The following TNXB variants were observed in gnomAD, a reference collection of about 807,000 sequenced individuals.
TNXB encodes the protein tenascin-X.
In TNXB, 183 loss-of-function variants were observed where a neutral mutation model predicts 340.5. That is an observed-to-expected ratio of 0.54 (90% CI 0.48 to 0.61). The LOEUF (loss-of-function observed/expected upper bound fraction) is 0.61. TNXB is among the 20% of genes least tolerant of loss of function. The probability of loss-of-function intolerance (pLI) is 0.00; values close to 1 mark genes in which losing one functional copy is unlikely to be tolerated. For missense variants in TNXB, 4,613 were observed against 5,446.4 expected (o/e 0.85, Z 4.82); for synonymous variants, 2,121 against 2,314.5 (o/e 0.92, Z 2.40).
intron 1 of TNXB, among the ~76,000 whole-genome samples, chr6:32,100,501 G>A (rs1780661161): frequency 6.6e-6 from 1 of 152,166 alleles, no homozygotes; most frequent in Non-Finnish European, 1.5e-5. Flanking sequence ...GCTTAAGTGT[G>A]AGGATTGCAT....
chr6:32,097,743 G>T lies in TNXB; in HGVS notation c.403+53C>A. 1 of 1,485,376 alleles carries T rather than the reference G, an allele frequency of 6.7e-7. No homozygotes were observed. Among genetic ancestry groups the T allele is most frequent in the South Asian group, 1.5e-5 (1 of 68,618 alleles). 92.0% of individuals were successfully genotyped at this position (1,485,376 alleles called of 1,614,324 possible). A position where few individuals can be genotyped will look rare whatever the true frequency, so the allele number is the denominator to read the frequency against. On this transcript the variant is annotated intron_variant, in intron 2 of 43. Coordinates refer to ENST00000644971, the MANE Select transcript of TNXB (RefSeq NM_001365276.2). This position sits in a 1 kb window ranked among gnomAD's most constrained non-coding sequence, Gnocchi z 5.9. ...TCATACCAAGGACCTTTATGGACTA[G>T]CAATGCCCACCCCACCCCACCTCTC...
intron 24 of TNXB, 68 bp downstream of exon 24, chr6:32,055,783 T>C: frequency 1.3e-6 from 2 of 1,556,122 alleles, no homozygotes; most frequent in Non-Finnish European, 1.7e-6. Context: ...GAGAATATTT[T>C]TGTTTTCATG....
At position 32,061,884 on chromosome 6, in the gene TNXB, C is replaced by T. The variant is rs948667124; in HGVS notation, c.7169-164G>A. 3.3e-5 allele frequency among the ~76,000 whole-genome samples: 5 copies of T among 152,168 alleles called. No homozygotes were observed. Among genetic ancestry groups the T allele is most frequent in the Non-Finnish European group, 7.4e-5 (5 of 68,020 alleles). On this transcript the variant is annotated intron_variant, in intron 20 of 43. Coordinates refer to ENST00000644971, the MANE Select transcript of TNXB (RefSeq NM_001365276.2). This position sits in a 1 kb window ranked among gnomAD's most constrained non-coding sequence, Gnocchi z 4.4. ...AGAGAGGCCCATTCTTGGGGTCCTG[C>T]TCAGCTGACAGCTAACACACATGAC...
At position 32,089,373 on chromosome 6, in the gene TNXB, CCT is replaced by C. The variant is rs1363621836; in HGVS notation, c.2363_2364del (p.Glu788GlyfsTer18). ...AYEIQFIPTTEGASPPFTARV... is the reference protein window; with the variant it reads ...AYEIQFIPTTXGASPPFTARV... Reference sequence around the variant, plus strand: ...CGTGCTGTGAATGGGGGGCTCGCCCCCTCTGTCTGTGAGAGAGAGCACCAGGT... The same window carrying C: ...CGTGCTGTGAATGGGGGGCTCGCCCCCTGTCTGTGAGAGAGAGCACCAGGT... On this transcript the variant is annotated frameshift_variant, in exon 5 of 44. Coordinates refer to ENST00000644971, the MANE Select transcript of TNXB (RefSeq NM_001365276.2). LOFTEE classifies it high-confidence loss of function. The surrounding 1 kb of genome is among the most constrained non-coding windows in gnomAD (Gnocchi z 6.2). 5.0e-6 allele frequency: 8 copies of C among 1,605,580 alleles called. No homozygotes were observed. The highest frequency in any genetic ancestry group is 6.8e-6 in the Non-Finnish European group (8 of 1,177,328).
In TNXB at chr6:32,096,492, G is replaced by C. The variant is rs746178595; in HGVS notation, c.1361C>G (p.Ala454Gly). 6.2e-7 allele frequency: 1 copy of C among 1,600,800 alleles called. No homozygotes were observed. The highest frequency in any genetic ancestry group is 8.5e-7 in the Non-Finnish European group (1 of 1,179,256). Residue 454 changes from alanine to glycine, a missense_variant, in exon 3 of 44, where the codon GCG becomes GGG. Physicochemically the swap from Ala to Gly is moderately conservative, Grantham distance 60 (BLOSUM62 0). Coordinates refer to ENST00000644971, the MANE Select transcript of TNXB (RefSeq NM_001365276.2). ...RCENGVCVCN[A>G]GYSGEDCGVR... ...ACCGCAGTCCTCGCCGCTGTAGCCC[G>C]CATTGCAAACACACACGCCGTTCTC...
intron 18 of TNXB, 37 bp from the exon 19 acceptor site, chr6:32,065,154 G>A (rs1437659582): frequency 3.3e-6 from 5 of 1,497,294 alleles, no homozygotes; most frequent in Admixed American, 2.1e-5. Context: ...TTCTCTTGCT[G>A]CAAGGAGGTG....
In TNXB at chr6:32,084,707, T is replaced by C. The variant is rs561588290; in HGVS notation, c.3151A>G (p.Lys1051Glu). 3 of 1,559,428 alleles carry C rather than the reference T, an allele frequency of 1.9e-6. No homozygotes were observed. The highest frequency in any genetic ancestry group is 2.7e-5 in the African/African-American group (2 of 73,750). ...DPIIYQGIMD[K>E]DEEKPGKSSG... is the part of the protein sequence containing the mutation. The stretch of plus-strand genomic sequence containing the variant: ...GACTTCCCAGGCTTCTCCTCATCCT[T>C]GTCTGGAGTTTGAGAGGCAAAAGCA... Residue 1051 changes from lysine (K) to glutamate (E), a missense_variant and splice_region_variant, in exon 8 of 44, where the codon AAG (lysine) becomes GAG (glutamate). Transcript: ENST00000644971. This position sits in a 1 kb window ranked among gnomAD's most constrained non-coding sequence, Gnocchi z 5.5.
rs1779298897 is a variant in TNXB at position 32,079,264 on chromosome 6, C to T, written c.4144G>A (p.Gly1382Arg). ...AGGCTCAGCGAATCAGGGGAGGATC[C>T]TGTCACTGTCAGCTCCCCCAGGAGC... is the stretch of plus-strand genomic sequence containing the variant. ...EPLLGELTVT[G>R]SSPDSLSLFW... The change falls in exon 11 of 44, where the codon GGA (glycine) becomes AGA (arginine). Residue 1382 changes from glycine (G) to arginine (R), a missense_variant. Gly to Arg is a moderately radical substitution (Grantham distance 125, BLOSUM62 -2). Transcript: ENST00000644971. The surrounding 1 kb of genome is among the most constrained non-coding windows in gnomAD (Gnocchi z 7.1). 1 of 1,613,454 alleles carries T rather than the reference C, an allele frequency of 6.2e-7. No homozygotes were observed. The highest frequency in any genetic ancestry group is 8.5e-7 in the Non-Finnish European group (1 of 1,179,856).
chr6:32,102,857 T>C (rs1231081485), intron 1 of TNXB, among the ~76,000 whole-genome samples: 1 of 151,994 alleles, frequency 6.6e-6, no homozygotes, highest in African/African-American at 2.4e-5. Flanking sequence ...GAGGCGGAGG[T>C]TGCAGTGAAC....
chr6:32,049,319 G>T lies in TNXB; in HGVS notation c.9708C>A (p.Gly3236=), dbSNP rs1264235389. Residue 3236 remains glycine (G), a synonymous_variant, in exon 28 of 44, where the codon GGC becomes GGA. Transcript: ENST00000644971. This position sits in a 1 kb window ranked among gnomAD's most constrained non-coding sequence, Gnocchi z 4.5. ...GGCCCACGCGCTGCCCCTCGTGGAG[G>T]CCGTACAGATGCATCTTGTATTTGC... ...PGRKYKMHLY[G]LHEGQRVGPV... 3 of 1,612,472 alleles carry T rather than the reference G, an allele frequency of 1.9e-6. No individual in the cohort carries two copies. The Admixed American group carries it at 5.0e-5, about 27-fold the overall frequency.
intron 19 of TNXB, among the ~76,000 whole-genome samples, chr6:32,063,378 A>T (rs1267644696): frequency 2.6e-5 from 4 of 151,908 alleles, no homozygotes; most frequent in Non-Finnish European, 5.9e-5. Flanking sequence ...CCTGGGTGAC[A>T]GAGTGAGACT....
In TNXB at chr6:32,065,073, G is replaced by A. The variant is rs1219576160; in HGVS notation, c.6589C>T (p.Leu2197=). ...ATGTCTCTCACTGTCATCTGCCCTA[G>A]GCGCAGCTTTGCAAGAGGAGCATCA... ...SPDAPLAKLR[L]GQMTVRDITS... The change falls in exon 19 of 44, where the codon CTA becomes TTA. Residue 2197 remains leucine (L), a synonymous_variant. Coordinates refer to ENST00000644971, the MANE Select transcript of TNXB (RefSeq NM_001365276.2). 6.3e-7 allele frequency: 1 copy of A among 1,597,266 alleles called. No homozygotes were observed. Among genetic ancestry groups the A allele is most frequent in the East Asian group, 2.2e-5 (1 of 44,566 alleles).
rs1477986984 is a variant in TNXB, at chr6:32,073,674, C to T, written c.4654G>A (p.Gly1552Ser). The T allele has an allele frequency of 6.2e-7, 1 of 1,609,316 alleles. No homozygotes were observed. The highest frequency in any genetic ancestry group is 8.5e-7 in the Non-Finnish European group (1 of 1,178,240). ...MYGLHDGQRM[G>S]PLSVVIVTAP... ...GTCACGATGACCACAGACAGGGGGCCCATGCGTTGCCCATCATGTAGTCCA... is the reference window on the plus strand; with the variant it reads ...GTCACGATGACCACAGACAGGGGGCTCATGCGTTGCCCATCATGTAGTCCA... The change falls in exon 12 of 44, where the codon GGC (glycine) becomes AGC (serine). Residue 1552 changes from glycine (G) to serine (S), a missense_variant. By Grantham distance (56) the Gly-to-Ser change is moderately conservative (BLOSUM62 0). This residue lies in a region of TNXB where 4,327 missense variants were observed against 4,859.4 expected (regional missense o/e 0.89). Transcript: ENST00000644971. This position sits in a 1 kb window ranked among gnomAD's most constrained non-coding sequence, Gnocchi z 4.6.
At position 32,081,285 on chromosome 6, in the gene TNXB, A is replaced by C; in HGVS notation, c.4042+83T>G. 1 of 1,365,664 alleles carries C rather than the reference A, an allele frequency of 7.3e-7. No individual in the cohort carries two copies. Among genetic ancestry groups the C allele is most frequent in the Non-Finnish European group, 9.9e-7 (1 of 1,008,094 alleles). The allele number at this position is 1,365,664 out of a possible 1,614,324, so 84.6% of individuals were successfully genotyped here. A position where few individuals can be genotyped will look rare whatever the true frequency, so the allele number is the denominator to read the frequency against. On this transcript the variant is annotated intron_variant, in intron 10 of 43. Transcript: ENST00000644971. This position sits in a 1 kb window ranked among gnomAD's most constrained non-coding sequence, Gnocchi z 5.1. ...AAATGAGCTGAGAAGGCGAAGATGG[A>C]GGGAGGCTGGAAGGAGCCCCAGCCA...
chr6:32,086,266 A>G lies in TNXB; in HGVS notation c.2780-148T>C. 6.1e-6 allele frequency: 6 copies of G among 980,660 alleles called. No individual in the cohort carries two copies. The South Asian group carries it at 1.4e-4, about 23-fold the overall frequency. 60.7% of individuals were successfully genotyped at this position (980,660 alleles called of 1,614,324 possible). A position where few individuals can be genotyped will look rare whatever the true frequency, so the allele number is the denominator to read the frequency against. On this transcript the variant is annotated intron_variant, in intron 6 of 43. Transcript: ENST00000644971. ...CTCACCTGGGCCACTCCCTCCTCCC[A>G]AAGGTCAGCCAATCCTCCAAACACC...
chr6:32,047,877 C>T lies in TNXB; in HGVS notation c.10181G>A (p.Gly3394Asp). The change falls in exon 30 of 44, where the codon GGT (glycine) becomes GAT (aspartate). Residue 3394 changes from glycine to aspartate, a missense_variant. Physicochemically the swap from Gly to Asp is moderately conservative, Grantham distance 94. Around this residue, in one of 7 missense-constraint regions of TNXB, gnomAD observed 4,327 missense variants for 4,859.4 expected, o/e 0.89. Coordinates refer to ENST00000644971, the MANE Select transcript of TNXB (RefSeq NM_001365276.2). This position sits in a 1 kb window ranked among gnomAD's most constrained non-coding sequence, Gnocchi z 6.2. ...SFVVQYKDKD[G>D]RLQVVPVAAN... Reference sequence around the variant, plus strand: ...TGCCACCGGCACCACCTGGAGCCGACCATCCTTATCCTTGTACTGGACCAC... The same window carrying T: ...TGCCACCGGCACCACCTGGAGCCGATCATCCTTATCCTTGTACTGGACCAC... 1 of 1,612,422 alleles carries T rather than the reference C, an allele frequency of 6.2e-7. No individual in the cohort carries two copies. Among genetic ancestry groups the T allele is most frequent in the Non-Finnish European group, 8.5e-7 (1 of 1,179,652 alleles).
Position 32,086,093 on chromosome 6 carries a change from C to A in TNXB, c.2805G>T (p.Gly935=), listed in dbSNP as rs1390957422. 6.4e-7 allele frequency: 1 copy of A among 1,552,686 alleles called. No homozygotes were observed. Among genetic ancestry groups the A allele is most frequent in the Non-Finnish European group, 8.7e-7 (1 of 1,148,428 alleles). Residue 935 remains glycine (G), a synonymous_variant, in exon 7 of 44, where the codon GGG becomes GGT. Transcript: ENST00000644971. ...NTGSSPLGLL[G]TTDEPPPSGP... The stretch of plus-strand genomic sequence containing the variant: ...CTGAGGGAGGAGGCTCATCGGTAGT[C>A]CCCAAGAGGCCCAAGGGTGAGGACC...
intron 29 of TNXB, 97 bp from the exon 30 acceptor site, chr6:32,048,109 C>CG: frequency 7.0e-7 from 1 of 1,434,250 alleles, no homozygotes; most frequent in Admixed American, 2.0e-5. Flanking sequence ...GTCCCAGGAA[C>CG]GGGAGGGTGA....
chr6:32,068,467 T>C lies in TNXB; in HGVS notation c.6143A>G (p.Asp2048Gly). 6.2e-7 allele frequency: 1 copy of C among 1,613,848 alleles called. No individual in the cohort carries two copies. The highest frequency in any genetic ancestry group is 8.5e-7 in the Non-Finnish European group (1 of 1,179,888). ...GTACAGGTTCATCTTGTATTTATGG[T>C]CTGGCTCCAGGCCCGAGATGGTGAC... ...EGVTISGLEPDHKYKMNLYGF... is the reference protein window; with the variant it reads ...EGVTISGLEPGHKYKMNLYGF... Residue 2048 changes from aspartate to glycine, a missense_variant, in exon 17 of 44, where the codon GAC (aspartate) becomes GGC (glycine). This residue lies in a region of TNXB where 4,327 missense variants were observed against 4,859.4 expected (regional missense o/e 0.89). Transcript: ENST00000644971. This position sits in a 1 kb window ranked among gnomAD's most constrained non-coding sequence, Gnocchi z 5.3.
Sources: gnomAD v4.1 joint callset for allele counts (sites outside exome capture counted in the v4.1 genomes callset) on GRCh38, gnomAD v4.1.1 for gene constraint, gnomAD v4.1.1 regional missense constraint, Gnocchi (gnomAD v3.1) non-coding constraint, MANE v1.5 for transcripts, NCBI Gene and HGNC (gene_info 2026-07-23, HGNC 2026-07-21) for gene names.